The following PRAMEF20 variants were observed in gnomAD, a reference collection of about 807,000 sequenced individuals.
PRAMEF20 encodes PRAME family member 20/21.
A neutral mutation model predicts 32.4 loss-of-function variants in PRAMEF20; 27 were observed. That is an observed-to-expected ratio of 0.83 (90% confidence interval 0.61 to 1.15). The LOEUF (loss-of-function observed/expected upper bound fraction) is 1.15. PRAMEF20 is among the 50% of genes most tolerant of loss of function. The pLI is 0.00. For synonymous variants in PRAMEF20, 256 were observed against 235.4 expected (o/e 1.09, Z -0.80); for missense variants, 604 against 584.5 (o/e 1.03, Z -0.34).
intron 1 of PRAMEF20, among the ~76,000 whole-genome samples, chr1:13,417,734 C>CTT (rs1275843024): frequency 8.0e-6 from 1 of 125,584 alleles, no homozygotes; most frequent in Non-Finnish European, 1.6e-5. Flanking sequence ...GAAGTGAGTC[C>CTT]TTTTTTTTTT....
At chr1:13,418,608 G>T in exon 2 of PRAMEF20, 1 of 1,613,952 alleles carries the variant, frequency 6.2e-7, no homozygotes. Flanking sequence ...TTGTTACCCA[G>T]TTCACCACTC....
intron 2 of PRAMEF20, among the ~76,000 whole-genome samples, chr1:13,419,494 T>C (rs1641219046): frequency 6.6e-6 from 1 of 151,950 alleles, no homozygotes; most frequent in Non-Finnish European, 1.5e-5. Flanking sequence ...GGAGTCTTGC[T>C]CTGTCTCGCT....
At chr1:13,411,988 G>A (rs1464563977), upstream of PRAMEF20, among the ~76,000 whole-genome samples, 1 of 151,842 alleles carries the variant, frequency 6.6e-6, no homozygotes, top group African/African-American at 2.4e-5. Flanking sequence ...GACCACCTTA[G>A]TGGCTTTTAA....
intron 1 of PRAMEF20, among the ~76,000 whole-genome samples, chr1:13,417,835 G>T (rs1310219755): frequency 6.7e-6 from 1 of 148,640 alleles, no homozygotes; most frequent in Middle Eastern, 3.4e-3. Context: ...TCCGCCTCCC[G>T]GGTTCACATT....
exon 1 of PRAMEF20, chr1:13,416,563 T>C (rs767188147): frequency 1.2e-6 from 2 of 1,613,982 alleles, no homozygotes; most frequent in East Asian, 2.2e-5. Flanking sequence ...GGGTCTCTGA[T>C]GAAAAGGCCT....
upstream of PRAMEF20, among the ~76,000 whole-genome samples, chr1:13,413,188 A>G (rs1361685432): frequency 2.0e-5 from 3 of 152,162 alleles, no homozygotes; most frequent in African/African-American, 4.8e-5. Flanking sequence ...GTAAAATTCC[A>G]TGTTTGTGGA....
upstream of PRAMEF20, among the ~76,000 whole-genome samples, chr1:13,415,348 C>T (rs1445573458): frequency 1.3e-5 from 2 of 152,080 alleles, no homozygotes; most frequent in Non-Finnish European, 2.9e-5. Flanking sequence ...TCTCAAAGTG[C>T]TGGGATTACA....
At chr1:13,416,066 G>C (rs1284017717), upstream of PRAMEF20, among the ~76,000 whole-genome samples, 1 of 152,140 alleles carries the variant, frequency 6.6e-6, no homozygotes, top group Non-Finnish European at 1.5e-5. Flanking sequence ...TAGCTTTCAG[G>C]TTCCTCCATA....
At chr1:13,417,668 G>A (rs1300510807) in intron 1 of PRAMEF20, among the ~76,000 whole-genome samples, 1 of 151,438 alleles carries the variant, frequency 6.6e-6, no homozygotes, top group Non-Finnish European at 1.5e-5. Context: ...GTCAGAGAGA[G>A]GGAAAAGAAG....
intron 1 of PRAMEF20, 72 bp downstream of exon 2, chr1:13,416,713 G>A: frequency 6.2e-7 from 1 of 1,611,826 alleles, no homozygotes; most frequent in Non-Finnish European, 8.5e-7. Context: ...GTCATGAGGA[G>A]TGAGGAGGTC....
Position 13,418,372 on chromosome 1 carries a change from C to T in PRAMEF20, c.538C>T (p.Leu180=), listed in dbSNP as rs1055777222. The stretch of plus-strand genomic sequence containing the variant: ...CAAGCAGAGGGAAGGTTTAGTACAC[C>T]TGTGCTGTAAGAAGCTGAAAATGTT... The change falls in exon 2 of 3, where the codon CTG becomes TTG. Residue 180 remains leucine (L), a synonymous_variant. Transcript: ENST00000602960. 5 of 1,613,678 alleles carry T rather than the reference C, an allele frequency of 3.1e-6. No individual in the cohort carries two copies. The African/African-American group carries it at 5.3e-5, about 17-fold the overall frequency.
At chr1:13,416,415 G>A (rs199792661) in exon 1 of PRAMEF20, 14 of 1,612,788 alleles carry the variant, frequency 8.7e-6, no homozygotes, top group African/African-American at 1.3e-5. Context: ...GCTGAGGGAC[G>A]AGGCCTTGGC....
At chr1:13,410,936 C>A in the PRAMEF20 span, among the ~76,000 whole-genome samples, 1 of 152,086 alleles carries the variant, frequency 6.6e-6, no homozygotes, top group African/African-American at 2.4e-5. Flanking sequence ...CGGCCCACTG[C>A]AACCTCCGCC....
chr1:13,419,310 C>T (rs1641217223), intron 2 of PRAMEF20, among the ~76,000 whole-genome samples: 14 of 152,014 alleles, frequency 9.2e-5, no homozygotes. Context: ...CGGGCCACCA[C>T]TCCTGGCTAA....
chr1:13,416,640 A>T (rs1231805377), exon 1 of PRAMEF20: 1 of 1,613,954 alleles, frequency 6.2e-7, no homozygotes, highest in Non-Finnish European at 8.5e-7. Context: ...GGTTCGTCTC[A>T]GGTGAGGTGG....
At chr1:13,416,247 A>T, upstream of PRAMEF20, 3 of 1,591,374 alleles carry the variant, frequency 1.9e-6, no homozygotes, top group South Asian at 2.2e-5. Flanking sequence ...CACCATTGCC[A>T]GAGCAATGAC....
At chr1:13,412,023 TTTAA>T (rs1641119094), upstream of PRAMEF20, among the ~76,000 whole-genome samples, 1 of 143,310 alleles carries the variant, frequency 7.0e-6, no homozygotes, top group Non-Finnish European at 1.5e-5. Flanking sequence ...CTGCCTTTAA[TTTAA>T]TTTATTTTAT....
rs1641204119 is a variant in PRAMEF20 at position 13,418,237 on chromosome 1, C to CTTGG, written c.404_405insTGGT (p.Gln136GlyfsTer28). The CTTGG allele has an allele frequency of 3.7e-6, 6 of 1,607,634 alleles. No individual in the cohort carries two copies. The highest frequency in any genetic ancestry group is 1.7e-5 in the Admixed American group (1 of 59,804). On this transcript the variant is annotated frameshift_variant, in exon 2 of 3. Coordinates refer to ENST00000602960, the Ensembl canonical transcript of PRAMEF20. LOFTEE classifies it high-confidence loss of function. The stretch of plus-strand genomic sequence containing the variant: ...AAATGCCATGATGAACAGAAAACCA[C>CTTGG]TGCAGGACTGTCCAAGGATGAGAGG...
upstream of PRAMEF20, among the ~76,000 whole-genome samples, chr1:13,413,013 T>C (rs142745259): frequency 0.1 from 15,277 of 152,226 alleles, 1,028 homozygotes; most frequent in East Asian, 0.25. Flanking sequence ...TTAGGGACTG[T>C]CATCTCTGTC....
Sources: allele counts gnomAD v4.1 joint callset (sites outside exome capture counted in the v4.1 genomes callset), GRCh38; gene constraint gnomAD v4.1.1; transcripts MANE v1.5; gene names NCBI Gene and HGNC (gene_info 2026-07-23, HGNC 2026-07-21).